The following PTGER3 variants were observed in gnomAD, a reference collection of about 807,000 sequenced individuals.
The protein encoded by PTGER3 is prostaglandin E receptor 3, also known as prostaglandin E2 receptor EP3 subtype.
Under a neutral mutation model 34.7 loss-of-function variants are expected in PTGER3, and 22 were observed. That is an observed-to-expected ratio of 0.63 (90% confidence interval 0.45 to 0.91). PTGER3 has a LOEUF of 0.91. Among genes scored for constraint, PTGER3 ranks in the 40% least tolerant of loss-of-function variants. The pLI is 0.00. For synonymous variants in PTGER3, 241 were observed against 230.1 expected (o/e 1.05, Z -0.43); for missense variants, 468 against 519.4 (o/e 0.90, Z 0.96).
At chr1:70,941,837 G>A (rs1649786315) in intron 4 of PTGER3, among the ~76,000 whole-genome samples, 1 of 152,038 alleles carries the variant, frequency 6.6e-6, no homozygotes, top group African/African-American at 2.4e-5. Context: ...TTATATCTGT[G>A]CTTCTGACAT....
intron 4 of PTGER3, among the ~76,000 whole-genome samples, chr1:70,925,982 C>A (rs1648043112): frequency 6.6e-6 from 1 of 152,056 alleles, no homozygotes; most frequent in African/African-American, 2.4e-5. Context: ...TCCCCTGGGG[C>A]TACACAGAGA....
rs917046796 is a variant in PTGER3 at position 71,039,506 on chromosome 1, C to T, written c.897+7175G>A. Among the ~76,000 whole-genome samples the T allele has an allele frequency of 6.6e-5, 10 of 151,432 alleles. 1 individual carries two copies. The highest frequency in any genetic ancestry group is 4.2e-4 in the South Asian group (2 of 4,788). On this transcript the variant is annotated intron_variant, in intron 1 of 3. Transcript: ENST00000306666. The stretch of plus-strand genomic sequence containing the variant: ...TCTACTAAAAATAGAAAAAATTAGC[C>T]GGGTGTGGTGGTGGGCGCCTGTAGT...
At chr1:70,932,783 T>C (rs1246603398) in intron 4 of PTGER3, among the ~76,000 whole-genome samples, 1 of 152,152 alleles carries the variant, frequency 6.6e-6, no homozygotes, top group African/African-American at 2.4e-5. Context: ...ATCACCTCCC[T>C]CTTTCAACTA....
intron 4 of PTGER3, among the ~76,000 whole-genome samples, chr1:70,905,501 C>T (rs960808629): frequency 3.3e-5 from 5 of 152,154 alleles, no homozygotes; most frequent in Admixed American, 2.0e-4. Flanking sequence ...TATGGGAACC[C>T]ACCCCTTGCA....
chr1:71,014,340 G>A (rs189791564), intron 1 of PTGER3, among the ~76,000 whole-genome samples: 13 of 152,266 alleles, frequency 8.5e-5, no homozygotes, highest in Non-Finnish European at 1.5e-4. Context: ...CAGAGTCTGT[G>A]AACTCTTCTT....
At chr1:70,959,834 C>T (rs1027336911) in intron 2 of PTGER3, among the ~76,000 whole-genome samples, 3 of 152,090 alleles carry the variant, frequency 2.0e-5, no homozygotes, top group African/African-American at 7.2e-5. Context: ...ATGAACCCTC[C>T]TTGTTATAAA....
intron 2 of PTGER3, chr1:71,008,830 T>C (rs911512153): frequency 1.3e-5 from 12 of 958,768 alleles, no homozygotes; most frequent in Middle Eastern, 1.1e-3. Flanking sequence ...AATAGAAATT[T>C]TAATTCTTCA....
At chr1:70,955,886 A>T (rs917353303) in intron 2 of PTGER3, among the ~76,000 whole-genome samples, 1 of 152,148 alleles carries the variant, frequency 6.6e-6, no homozygotes, top group Non-Finnish European at 1.5e-5. Flanking sequence ...TTTTTGGACA[A>T]CTGTCCAGAT....
At position 71,046,883 on chromosome 1, in the gene PTGER3, G is replaced by A; in HGVS notation, c.695C>T (p.Ser232Phe). 6.2e-7 allele frequency: 1 copy of A among 1,613,524 alleles called. No homozygotes were observed. The highest frequency in any genetic ancestry group is 8.5e-7 in the Non-Finnish European group (1 of 1,179,778). ...SHNWGNLFFA[S>F]AFAFLGLLAL... is the part of the protein sequence containing the mutation. Reference sequence around the variant, plus strand: ...CAAGAGCCCCAGGAAGGCAAAGGCAGAGGCGAAGAAAAGGTTGCCCCAGTT... The same window carrying A: ...CAAGAGCCCCAGGAAGGCAAAGGCAAAGGCGAAGAAAAGGTTGCCCCAGTT... The change falls in exon 1 of 4, where the codon TCT becomes TTT. Residue 232 changes from serine (S) to phenylalanine (F), a missense_variant. This residue lies in a region of PTGER3 where 204 missense variants were observed against 230.8 expected (regional missense o/e 0.88). Coordinates refer to ENST00000306666, the MANE Select transcript of PTGER3 (RefSeq NM_198719.2).
intron 4 of PTGER3, among the ~76,000 whole-genome samples, chr1:70,866,054 T>C (rs1165770373): frequency 4.6e-5 from 7 of 152,234 alleles, no homozygotes; most frequent in Admixed American, 4.6e-4. Context: ...TGCCAACTGC[T>C]ACTTGTGTAC....
intron 4 of PTGER3, among the ~76,000 whole-genome samples, chr1:70,892,394 A>G (rs190761477): frequency 1.5e-3 from 232 of 152,364 alleles, no homozygotes; most frequent in African/African-American, 5.5e-3. Flanking sequence ...GTTGACATGT[A>G]TTTAACACAG....
intron 4 of PTGER3, among the ~76,000 whole-genome samples, chr1:70,941,477 C>CA (rs1485661708): frequency 1.3e-5 from 2 of 152,084 alleles, no homozygotes; most frequent in Non-Finnish European, 2.9e-5. Flanking sequence ...TTATAATAAC[C>CA]ATGAAATGTA....
At chr1:70,911,175 C>A (rs917513918) in intron 4 of PTGER3, among the ~76,000 whole-genome samples, 5 of 150,858 alleles carry the variant, frequency 3.3e-5, no homozygotes, top group Non-Finnish European at 7.4e-5. Context: ...GATTGAGAAC[C>A]AAAAGTGCTT....
chr1:71,027,872 C>T (rs1425895047), intron 1 of PTGER3, among the ~76,000 whole-genome samples: 1 of 152,154 alleles, frequency 6.6e-6, no homozygotes, highest in Non-Finnish European at 1.5e-5. Flanking sequence ...TAAAACTCTG[C>T]TGTGTAGTTT....
At chr1:70,904,985 C>T (rs1646915019) in intron 4 of PTGER3, among the ~76,000 whole-genome samples, 1 of 152,086 alleles carries the variant, frequency 6.6e-6, no homozygotes, top group African/African-American at 2.4e-5. Context: ...GGCCTAAGGT[C>T]CCTGTGCTGT....
At chr1:70,978,675 C>T (rs1180722427) in intron 2 of PTGER3, among the ~76,000 whole-genome samples, 1 of 152,072 alleles carries the variant, frequency 6.6e-6, no homozygotes, top group Non-Finnish European at 1.5e-5. Flanking sequence ...TAGTCACTCT[C>T]CAGAGCATAG....
intron 2 of PTGER3, among the ~76,000 whole-genome samples, chr1:71,001,754 G>T (rs904157096): frequency 1.3e-5 from 2 of 152,144 alleles, no homozygotes; most frequent in Non-Finnish European, 2.9e-5. Context: ...AAGAAGCTGT[G>T]TATTTTTCCC....
Position 71,047,569 on chromosome 1 carries a change from C to G in PTGER3, c.9G>C (p.Glu3Asp). ...GGGCATCCCCTCCGTAGCCCCGGGTCTCCTTCATGTTGGCTTCGAGGTGAG... is the reference window on the plus strand; with the variant it reads ...GGGCATCCCCTCCGTAGCCCCGGGTGTCCTTCATGTTGGCTTCGAGGTGAG... MK[E>D]TRGYGGDAPF... is the part of the protein sequence containing the mutation. Residue 3 changes from glutamate to aspartate, a missense_variant, in exon 1 of 4, where the codon GAG (glutamate) becomes GAC (aspartate). Glu to Asp is a conservative substitution (Grantham distance 45). Coordinates refer to ENST00000306666, the MANE Select transcript of PTGER3 (RefSeq NM_198719.2). 1 of 1,547,428 alleles carries G rather than the reference C, an allele frequency of 6.5e-7. No individual in the cohort carries two copies. Among genetic ancestry groups the G allele is most frequent in the Non-Finnish European group, 8.8e-7 (1 of 1,142,058 alleles).
intron 4 of PTGER3, among the ~76,000 whole-genome samples, chr1:70,911,039 C>T (rs1647049735): frequency 6.6e-6 from 1 of 151,186 alleles, no homozygotes; most frequent in Admixed American, 6.6e-5. Flanking sequence ...GAGATTGCGC[C>T]ACTGCACTCC....
Sources: gnomAD v4.1 joint callset for allele counts (sites outside exome capture counted in the v4.1 genomes callset) on GRCh38, gnomAD v4.1.1 for gene constraint, gnomAD v4.1.1 regional missense constraint, MANE v1.5 for transcripts, NCBI Gene and HGNC (gene_info 2026-07-23, HGNC 2026-07-21) for gene names.